Variants in ABI1 observed in about 807,000 individuals in gnomAD.
The protein encoded by ABI1 is Abelson interactor 1.
Under a neutral mutation model 54.6 loss-of-function variants are expected in ABI1, and 14 were observed. The ratio of observed to expected loss-of-function variants is 0.26; its 90% CI spans 0.17 to 0.40. The LOEUF (loss-of-function observed/expected upper bound fraction) is 0.40, where lower values mean the gene tolerates loss of function less well. Among genes scored for constraint, ABI1 ranks in the 10% least tolerant of loss-of-function variants. The pLI is 1.00. For synonymous variants in ABI1, 194 were observed against 209.3 expected (o/e 0.93, Z 0.63); for missense variants, 443 against 598.3 (o/e 0.74, Z 2.71).
At chr10:26,809,029 G>A (rs900334020) in intron 2 of ABI1, among the ~76,000 whole-genome samples, 2 of 152,058 alleles carry the variant, frequency 1.3e-5, no homozygotes, top group East Asian at 3.9e-4. Flanking sequence ...CAGCACTTTG[G>A]GAGGCCGAGG....
At chr10:26,806,235 A>C (rs183741324) in intron 2 of ABI1, among the ~76,000 whole-genome samples, 1 of 152,318 alleles carries the variant, frequency 6.6e-6, no homozygotes, top group East Asian at 1.9e-4. Flanking sequence ...AACATTGTCC[A>C]GTTGTTCTCA....
chr10:26,765,453 C>G (rs971648030), intron 6 of ABI1, 135 bp from the exon 7 acceptor site: 1 of 667,108 alleles, frequency 1.5e-6, no homozygotes, highest in African/African-American at 1.9e-5. Flanking sequence ...GGACTGGTTT[C>G]AAGAGCCCCC....
intron 3 of ABI1, among the ~76,000 whole-genome samples, chr10:26,775,318 T>C (rs559157551): frequency 6.6e-6 from 1 of 152,286 alleles, no homozygotes; most frequent in African/African-American, 2.4e-5. Context: ...AATAATCAGC[T>C]TCTAAAATAT....
At chr10:26,853,300 CT>C (rs74928196) in intron 1 of ABI1, among the ~76,000 whole-genome samples, 10,094 of 138,604 alleles carry the variant, frequency 0.073, 517 homozygotes, top group East Asian at 0.22. Flanking sequence ...CAACAATGCC[CT>C]TTTTTTTTTT....
At chr10:26,749,679 T>C (rs74512123) in intron 10 of ABI1, among the ~76,000 whole-genome samples, 3,699 of 152,332 alleles carry the variant, frequency 0.024, 64 homozygotes, top group Non-Finnish European at 0.036. Flanking sequence ...TTAGCCTATA[T>C]TCACTTCCTT....
chr10:26,820,152 T>C (rs902275079), intron 2 of ABI1, among the ~76,000 whole-genome samples: 4 of 152,214 alleles, frequency 2.6e-5, no homozygotes, highest in African/African-American at 7.2e-5. Flanking sequence ...GGTTGTAGAC[T>C]TGAAATTTGC....
chr10:26,809,843 G>A (rs2047116891), intron 2 of ABI1, among the ~76,000 whole-genome samples: 1 of 152,166 alleles, frequency 6.6e-6, no homozygotes, highest in South Asian at 2.1e-4. Context: ...TGAGCAAGGA[G>A]GGTAGCATGC....
intron 2 of ABI1, among the ~76,000 whole-genome samples, chr10:26,816,630 TAAG>T: frequency 6.6e-6 from 1 of 152,218 alleles, no homozygotes; most frequent in East Asian, 1.9e-4. Context: ...ACTACTTTCT[TAAG>T]AAATAAAACC....
chr10:26,813,773 T>C (rs1406037033), intron 2 of ABI1, among the ~76,000 whole-genome samples: 2 of 152,266 alleles, frequency 1.3e-5, no homozygotes, highest in Non-Finnish European at 1.5e-5. Context: ...ACTCTTCTCA[T>C]AAATTTATTT....
chr10:26,748,473 G>C lies in ABI1; in HGVS notation c.*97C>G. 1.1e-6 allele frequency: 1 copy of C among 880,712 alleles called. No homozygotes were observed. Among genetic ancestry groups the C allele is most frequent in the Non-Finnish European group, 1.6e-6 (1 of 609,036 alleles). 54.6% of individuals were successfully genotyped at this position (880,712 alleles called of 1,614,324 possible). Reference sequence around the variant, plus strand: ...ATAAAACAGCATGTTCTGAAAATATGGGCACATTTTAAAACATATTAAGAC... The same window carrying C: ...ATAAAACAGCATGTTCTGAAAATATCGGCACATTTTAAAACATATTAAGAC... On this transcript the variant is annotated 3_prime_UTR_variant, in exon 11 of 11. Transcript: ENST00000376140.
Position 26,748,276 on chromosome 10 carries a change from A to G in ABI1, c.*294T>C. On this transcript the variant is annotated 3_prime_UTR_variant, in exon 11 of 11. Transcript: ENST00000376140. ...GGTACAATCTGAATCATGATTCGTTAAATATTATACCCCACTTCCCCCAGA... is the reference window on the plus strand; with the variant it reads ...GGTACAATCTGAATCATGATTCGTTGAATATTATACCCCACTTCCCCCAGA... 7.2e-6 allele frequency: 2 copies of G among 279,386 alleles called. No homozygotes were observed. The highest frequency in any genetic ancestry group is 1.4e-5 in the Non-Finnish European group (2 of 147,186). The allele number at this position is 279,386 out of a possible 1,614,324, so 17.3% of individuals were successfully genotyped here.
At position 26,748,740 on chromosome 10, in the gene ABI1, C is replaced by T; in HGVS notation, c.1276G>A (p.Ala426Thr). The T allele has an allele frequency of 1.9e-6, 3 of 1,608,304 alleles. No homozygotes were observed. The highest frequency in any genetic ancestry group is 2.5e-6 in the Non-Finnish European group (3 of 1,177,066). The change falls in exon 11 of 11, where the codon GCA becomes ACA. Residue 426 changes from alanine (A) to threonine (T), a missense_variant. Ala to Thr is a moderately conservative substitution (Grantham distance 58). Transcript: ENST00000376140. ...APKNYIEKVV[A>T]IYDYTKDKDD... ...TTGTCTTTTGTATAATCATATATTGCAACAACTATGGAAAAAACAGTTGAA... is the reference window on the plus strand; with the variant it reads ...TTGTCTTTTGTATAATCATATATTGTAACAACTATGGAAAAAACAGTTGAA...
intron 7 of ABI1, 51 bp downstream of exon 7, chr10:26,765,167 A>G (rs1349097902): frequency 6.2e-6 from 8 of 1,280,898 alleles, no homozygotes; most frequent in Non-Finnish European, 8.7e-6. Flanking sequence ...CTTCCACAAT[A>G]AAGCTCATAA....
intron 5 of ABI1, among the ~76,000 whole-genome samples, 187 bp from the exon 6 acceptor site, chr10:26,769,179 TA>T (rs1220471296): frequency 6.6e-6 from 1 of 152,150 alleles, no homozygotes; most frequent in Non-Finnish European, 1.5e-5. Flanking sequence ...ACATGAAAAC[TA>T]AAATTTGTTA....
At chr10:26,857,320 CAAA>C (rs71403897) in intron 1 of ABI1, among the ~76,000 whole-genome samples, 258 of 75,634 alleles carry the variant, frequency 3.4e-3, no homozygotes, top group African/African-American at 0.01. Flanking sequence ...GACTCCATCT[CAAA>C]AAAAAAAAAA....
intron 7 of ABI1, 77 bp downstream of exon 7, chr10:26,765,141 A>G (rs1839765943): frequency 1.4e-5 from 14 of 993,534 alleles, no homozygotes; most frequent in Non-Finnish European, 1.9e-5. Flanking sequence ...ACTCAATATG[A>G]CTAATTTATT....
intron 2 of ABI1, among the ~76,000 whole-genome samples, chr10:26,804,641 T>C (rs2046770255): frequency 6.6e-6 from 1 of 152,308 alleles, no homozygotes; most frequent in Middle Eastern, 3.4e-3. Flanking sequence ...CAACACTATG[T>C]AAAGGTAAAT....
At chr10:26,785,164 C>A (rs1003717406) in intron 2 of ABI1, among the ~76,000 whole-genome samples, 2 of 152,108 alleles carry the variant, frequency 1.3e-5, no homozygotes, top group African/African-American at 4.8e-5. Context: ...ATCAGAGTGA[C>A]AAATGAAGTT....
intron 1 of ABI1, among the ~76,000 whole-genome samples, chr10:26,845,566 C>T (rs751737755): frequency 1.1e-4 from 17 of 151,920 alleles, no homozygotes; most frequent in Admixed American, 3.3e-4. Context: ...TCACTTGAAC[C>T]CGGGAGGTGG....
Sources: allele counts gnomAD v4.1 joint callset (sites outside exome capture counted in the v4.1 genomes callset), GRCh38; gene constraint gnomAD v4.1.1; transcripts MANE v1.5; gene names NCBI Gene and HGNC (gene_info 2026-07-23, HGNC 2026-07-21).